The following PCDHA6 variants were observed in gnomAD, a reference collection of about 807,000 sequenced individuals.
The protein encoded by PCDHA6 is protocadherin alpha 6, also known as protocadherin alpha-6.
Under a neutral mutation model 60.3 loss-of-function variants are expected in PCDHA6, and 55 were observed. The ratio of observed to expected loss-of-function variants is 0.91; its 90% CI spans 0.73 to 1.14. PCDHA6 has a LOEUF of 1.14. Among genes scored for constraint, PCDHA6 ranks in the 50% most tolerant of loss-of-function variants. PCDHA6 has a pLI of 0.00. For synonymous variants in PCDHA6, 652 were observed against 557.9 expected, an observed-to-expected ratio of 1.17 and a Z score of -2.38; for missense variants, 1,327 against 1,256.5, an observed-to-expected ratio of 1.06 and a Z score of -0.85.
At chr5:140,981,336 G>A (rs1332617891) in intron 2 of PCDHA6, among the ~76,000 whole-genome samples, 1 of 152,188 alleles carries the variant, frequency 6.6e-6, no homozygotes, top group Non-Finnish European at 1.5e-5. Context: ...CACTTTGGGA[G>A]GGTGAGGCAG....
chr5:140,966,694 C>T, intron 1 of PCDHA6: 1 of 1,358,670 alleles, frequency 7.4e-7, no homozygotes, highest in Non-Finnish European at 9.5e-7. Context: ...GAGGCGGGGC[C>T]CGGGCGTGGG....
intron 1 of PCDHA6, chr5:140,870,840 A>G (rs1554164745): frequency 1.9e-6 from 3 of 1,613,712 alleles, no homozygotes; most frequent in Admixed American, 3.3e-5. Context: ...TTAACAAGCT[A>G]GTACCGCGGT....
In PCDHA6 at chr5:140,853,931, G is replaced by T. The variant is rs2042911351; in HGVS notation, c.2394+23446G>T. The T allele has an allele frequency of 3.5e-6, 3 of 868,826 alleles. No homozygotes were observed. The South Asian group carries it at 1.6e-4, about 45-fold the overall frequency. The allele number at this position is 868,826 out of a possible 1,614,324, so 53.8% of individuals were successfully genotyped here. A position where few individuals can be genotyped will look rare whatever the true frequency, so the allele number is the denominator to read the frequency against. ...CACCTGCAATCCCAACATTTTGGGA[G>T]GCCAAGGTGGGAGGGTCCCTTCCTT... On this transcript the variant is annotated intron_variant, in intron 1 of 3. Coordinates refer to ENST00000529310, the MANE Select transcript of PCDHA6 (RefSeq NM_018909.4).
intron 1 of PCDHA6, among the ~76,000 whole-genome samples, chr5:140,872,366 C>T (rs1474545806): frequency 5.3e-5 from 8 of 152,126 alleles, no homozygotes; most frequent in African/African-American, 1.4e-4. Flanking sequence ...GTGGTTCAGG[C>T]CTGTAATCCC....
At position 140,909,749 on chromosome 5, in the gene PCDHA6, C is replaced by G. The variant is rs141984152; in HGVS notation, c.2395-69200C>G. On this transcript the variant is annotated intron_variant, in intron 1 of 3. Coordinates refer to ENST00000529310, the MANE Select transcript of PCDHA6 (RefSeq NM_018909.4). ...ATGCATTCTGGCACTGGGGAAATGA[C>G]CACAGGATGAGTCCAGGGACCCACT... 2.0e-3 allele frequency among the ~76,000 whole-genome samples: 298 copies of G among 152,232 alleles called. 1 individual carries two copies. Among genetic ancestry groups the G allele is most frequent in the African/African-American group, 6.9e-3 (285 of 41,526 alleles).
intron 1 of PCDHA6, chr5:140,848,468 C>A: frequency 6.5e-7 from 1 of 1,547,824 alleles, no homozygotes; most frequent in African/African-American, 1.4e-5. Context: ...GCAATTTTCA[C>A]TAATTAGAAG....
rs2150471496 is a variant in PCDHA6 at position 140,850,180 on chromosome 5, C to T, written c.2394+19695C>T. On this transcript the variant is annotated intron_variant, in intron 1 of 3. Coordinates refer to ENST00000529310, the MANE Select transcript of PCDHA6 (RefSeq NM_018909.4). ...TTCGTGCTGGACGAGAACGACAATG[C>T]GCCGGCGCTGCTGACACCTCGGATG... 73 of 1,593,798 alleles carry T rather than the reference C, an allele frequency of 4.6e-5. 10 individuals carry two copies. The Middle Eastern group carries it at 1.0e-3, about 23-fold the overall frequency.
At chr5:141,006,993 T>A (rs1484865636) in intron 3 of PCDHA6, among the ~76,000 whole-genome samples, 5 of 152,290 alleles carry the variant, frequency 3.3e-5, no homozygotes, top group African/African-American at 4.8e-5. Flanking sequence ...GCTTAAAATA[T>A]AAGTCTGCAT....
chr5:140,870,806 A>C (rs546684407), intron 1 of PCDHA6: 10 of 1,613,686 alleles, frequency 6.2e-6, no homozygotes, highest in Admixed American at 5.0e-5. Flanking sequence ...CTGGCGACTC[A>C]GGCTGGCAGC....
At position 141,003,456 on chromosome 5, in the gene PCDHA6, C is replaced by T. The variant is rs187279966; in HGVS notation, c.2543-6171C>T. Among the ~76,000 whole-genome samples the T allele has an allele frequency of 1.2e-3, 188 of 152,136 alleles. 1 individual carries two copies. The highest frequency in any genetic ancestry group is 4.1e-3 in the African/African-American group (172 of 41,508). On this transcript the variant is annotated intron_variant, in intron 3 of 3. Transcript: ENST00000529310. ...CCTCCCAAGTAGATGAAATTACAGGCGTGCACCACCACAGTCTCGCTAATT... is the reference window on the plus strand; with the variant it reads ...CCTCCCAAGTAGATGAAATTACAGGTGTGCACCACCACAGTCTCGCTAATT...
At chr5:140,863,138 T>C (rs781967810) in intron 1 of PCDHA6, 2 of 604,914 alleles carry the variant, frequency 3.3e-6, no homozygotes, top group Non-Finnish European at 6.4e-6. Context: ...CGCCTGCTGG[T>C]GCTGGTGAAG....
chr5:140,855,938 T>G, intron 1 of PCDHA6: 1 of 1,308,620 alleles, frequency 7.6e-7, no homozygotes, highest in South Asian at 1.5e-5. Context: ...CATTCTGAGA[T>G]CTCAGCCATT....
At chr5:140,992,416 C>T (rs3776107) in intron 3 of PCDHA6, among the ~76,000 whole-genome samples, 9,821 of 152,168 alleles carry the variant, frequency 0.065, 355 homozygotes, top group East Asian at 0.12. Context: ...TGCCCCAGGT[C>T]TAAGAATATT....
chr5:140,833,072 T>G (rs1212811880), intron 1 of PCDHA6, among the ~76,000 whole-genome samples: 2 of 152,190 alleles, frequency 1.3e-5, no homozygotes, highest in African/African-American at 4.8e-5. Flanking sequence ...AAACCTTTTG[T>G]ATAACTTTGA....
At chr5:140,835,194 G>A in intron 1 of PCDHA6, 1 of 1,544,758 alleles carries the variant, frequency 6.5e-7, no homozygotes, top group Non-Finnish European at 8.8e-7. Context: ...AGATTTAGAC[G>A]AAGGCTTGAA....
intron 1 of PCDHA6, among the ~76,000 whole-genome samples, chr5:140,844,874 A>G (rs1300687011): frequency 6.7e-6 from 1 of 149,392 alleles, no homozygotes; most frequent in Non-Finnish European, 1.5e-5. Context: ...TTAAATACCC[A>G]TTAGACTTCG....
chr5:140,835,703 C>G (rs2150242433), intron 1 of PCDHA6: 25 of 1,613,782 alleles, frequency 1.5e-5, no homozygotes, highest in African/African-American at 6.7e-5. Context: ...CCACTGCTAG[C>G]GTGTCCGTGG....
At position 140,829,430 on chromosome 5, in the gene PCDHA6, G is replaced by C. The variant is rs2150167719; in HGVS notation, c.1339G>C (p.Asp447His). The stretch of plus-strand genomic sequence containing the variant: ...CGCCAGCTTGTCTGTGGAGGTGGCC[G>C]ACATGAATGACAATGCTCCGGCGTT... ...ATASLSVEVA[D>H]MNDNAPAFAQ... The change falls in exon 1 of 4, where the codon GAC becomes CAC. Residue 447 changes from aspartate to histidine, a missense_variant. Coordinates refer to ENST00000529310, the MANE Select transcript of PCDHA6 (RefSeq NM_018909.4). 5 of 1,614,092 alleles carry C rather than the reference G, an allele frequency of 3.1e-6. No individual in the cohort carries two copies. Among genetic ancestry groups the C allele is most frequent in the South Asian group, 1.1e-5 (1 of 91,082 alleles).
At chr5:140,989,665 T>G (rs2097353443) in intron 3 of PCDHA6, among the ~76,000 whole-genome samples, 2 of 152,190 alleles carry the variant, frequency 1.3e-5, no homozygotes, top group South Asian at 4.1e-4. Flanking sequence ...TAAAAGAAAC[T>G]CTGCCCAGAT....
Sources: allele counts gnomAD v4.1 joint callset (sites outside exome capture counted in the v4.1 genomes callset), GRCh38; gene constraint gnomAD v4.1.1; transcripts MANE v1.5; gene names NCBI Gene and HGNC (gene_info 2026-07-23, HGNC 2026-07-21).